The following NCS1 variants were observed in gnomAD, a reference collection of about 807,000 sequenced individuals.
The protein encoded by NCS1 is frequenin homolog.
A neutral mutation model predicts 28.4 loss-of-function variants in NCS1; 6 were observed. The ratio of observed to expected loss-of-function variants is 0.21; its 90% CI spans 0.12 to 0.42. The LOEUF (loss-of-function observed/expected upper bound fraction) is 0.42. NCS1 is among the 10% of genes least tolerant of loss of function. The pLI, the probability that NCS1 is intolerant of heterozygous loss-of-function variation, is 1.00. For missense variants in NCS1, 131 were observed against 241.4 expected (o/e 0.54, Z 3.03); for synonymous variants, 86 against 99.3 (o/e 0.87, Z 0.79).
chr9:130,211,394 G>A (rs1833110094), intron 2 of NCS1, among the ~76,000 whole-genome samples: 1 of 151,504 alleles, frequency 6.6e-6, no homozygotes, highest in African/African-American at 2.4e-5. Context: ...ACCATGCTGA[G>A]CACCTTGAGT....
At chr9:130,204,622 C>T (rs1385251750) in intron 2 of NCS1, among the ~76,000 whole-genome samples, 1 of 152,204 alleles carries the variant, frequency 6.6e-6, no homozygotes, top group Admixed American at 6.5e-5. Context: ...CACTTCCTGG[C>T]TGAGTGACCT....
chr9:130,186,159 A>G lies in NCS1; in HGVS notation c.64+13432A>G, dbSNP rs1588110349. On this transcript the variant is annotated intron_variant, in intron 1 of 7. Coordinates refer to ENST00000372398, the MANE Select transcript of NCS1 (RefSeq NM_014286.4). This position sits in a 1 kb window ranked among gnomAD's most constrained non-coding sequence, Gnocchi z 4.1. ...TCCTTGATTTAGAGAATGTTTATGG[A>G]ACAGCTGCCTCGTGTTAGGCCCTGC... Among the ~76,000 whole-genome samples, 2 of 152,334 alleles carry G rather than the reference A, an allele frequency of 1.3e-5. 1 individual carries two copies. The highest frequency in any genetic ancestry group is 4.1e-4 in the South Asian group (2 of 4,820).
rs149550582 is a variant in NCS1, at chr9:130,227,071, C to T, written c.*17+567C>T. ...AAAAAAAAAAAAAGAAAAGAATTGT[C>T]CTGGGTGGAAGACACTTTGAAAATT... On this transcript the variant is annotated intron_variant, in intron 7 of 7. Coordinates refer to ENST00000372398, the MANE Select transcript of NCS1 (RefSeq NM_014286.4). Among the ~76,000 whole-genome samples, 7 of 151,072 alleles carry T rather than the reference C, an allele frequency of 4.6e-5. No individual in the cohort carries two copies. In the East Asian group the frequency reaches 1.4e-3, roughly 29 times the overall value.
At chr9:130,193,923 C>G (rs1832846847) in intron 1 of NCS1, 1 of 152,664 alleles carries the variant, frequency 6.6e-6, no homozygotes, top group Non-Finnish European at 1.5e-5. Context: ...TTGTGCTGCT[C>G]AAACCCAAAG....
rs1246840156 is a variant in NCS1 at position 130,235,579 on chromosome 9, G to T, written c.*2607G>T. The T allele has an allele frequency of 2.0e-5, 3 of 152,380 alleles. No homozygotes were observed. In the East Asian group the frequency reaches 5.8e-4, roughly 29 times the overall value. 9.4% of individuals were successfully genotyped at this position (152,380 alleles called of 1,614,324 possible). On this transcript the variant is annotated 3_prime_UTR_variant, in exon 8 of 8. Coordinates refer to ENST00000372398, the MANE Select transcript of NCS1 (RefSeq NM_014286.4). ...TCTGGCCTTAGCAGATGGTATGCTTGCGGACCGCAGCCCAGCATGCCGGTG... is the reference window on the plus strand; with the variant it reads ...TCTGGCCTTAGCAGATGGTATGCTTTCGGACCGCAGCCCAGCATGCCGGTG...
Position 130,236,497 on chromosome 9 carries a change from A to G in NCS1, c.*3525A>G, listed in dbSNP as rs1833596820. 1 of 150,248 alleles carries G rather than the reference A, an allele frequency of 6.7e-6. No homozygotes were observed. Among genetic ancestry groups the G allele is most frequent in the Admixed American group, 6.6e-5 (1 of 15,102 alleles). The allele number at this position is 150,248 out of a possible 1,614,324, so 9.3% of individuals were successfully genotyped here. A position where few individuals can be genotyped will look rare whatever the true frequency, so the allele number is the denominator to read the frequency against. ...CACCCCTCTGCTAGGCCATCCCTGG[A>G]TAGCAAGTGAATTAACTTAAGGGCA... is the stretch of plus-strand genomic sequence containing the variant. On this transcript the variant is annotated 3_prime_UTR_variant, in exon 8 of 8. Transcript: ENST00000372398.
intron 4 of NCS1, among the ~76,000 whole-genome samples, chr9:130,221,451 G>A (rs546137217): frequency 5.7e-4 from 79 of 138,066 alleles, no homozygotes; most frequent in African/African-American, 2.1e-3. Context: ...GAGAGAGAGA[G>A]AAAGAGAGAG....
At chr9:130,224,807 T>C (rs1833389261) in intron 6 of NCS1, among the ~76,000 whole-genome samples, 1 of 152,218 alleles carries the variant, frequency 6.6e-6, no homozygotes, top group Non-Finnish European at 1.5e-5. Flanking sequence ...AATCCTTCTT[T>C]AAATCAAACT....
intron 2 of NCS1, among the ~76,000 whole-genome samples, chr9:130,202,134 A>G (rs782312336): frequency 6.6e-6 from 1 of 151,858 alleles, no homozygotes; most frequent in Non-Finnish European, 1.5e-5. Flanking sequence ...TGAAGTCCTC[A>G]CCCTTGACAT....
At chr9:130,187,848 T>G (rs1270861251) in intron 1 of NCS1, among the ~76,000 whole-genome samples, 1 of 152,354 alleles carries the variant, frequency 6.6e-6, no homozygotes, top group East Asian at 1.9e-4. Context: ...ACCGTGTGGC[T>G]TCTGTGAACA....
intron 4 of NCS1, among the ~76,000 whole-genome samples, chr9:130,221,403 TATATATATATA>T (rs1833293868): frequency 2.4e-5 from 1 of 42,302 alleles, no homozygotes; most frequent in African/African-American, 8.9e-5. Flanking sequence ...TATATATATA[TATATATATATA>T]GAGAGAGAGA....
rs983404884 is a variant in NCS1 at position 130,192,265 on chromosome 9, G to A, written c.65-8693G>A. Among the ~76,000 whole-genome samples, 55 of 152,146 alleles carry A rather than the reference G, an allele frequency of 3.6e-4. No homozygotes were observed. The highest frequency in any genetic ancestry group is 7.1e-4 in the Non-Finnish European group (48 of 68,012). On this transcript the variant is annotated intron_variant, in intron 1 of 7. Transcript: ENST00000372398. The surrounding 1 kb of genome is among the most constrained non-coding windows in gnomAD (Gnocchi z 4.8). The stretch of plus-strand genomic sequence containing the variant: ...AGGCAGCTCCTGCGTCTGCTGTCAC[G>A]TTACTCTGAGCTTGGAGGCAGTGCC...
Position 130,192,743 on chromosome 9 carries a change from G to A in NCS1, c.65-8215G>A, listed in dbSNP as rs1336431677. ...CCCCCAGGAGCCGGTGCTGCAGTGA[G>A]TGGGGGGAGTGATCTGAGGCCTTGT... On this transcript the variant is annotated intron_variant, in intron 1 of 7. Transcript: ENST00000372398. This position sits in a 1 kb window ranked among gnomAD's most constrained non-coding sequence, Gnocchi z 4.8. Among the ~76,000 whole-genome samples, 1 of 152,188 alleles carries A rather than the reference G, an allele frequency of 6.6e-6. No individual in the cohort carries two copies. The highest frequency in any genetic ancestry group is 2.4e-5 in the African/African-American group (1 of 41,446).
chr9:130,218,272 C>G (rs562470879), intron 3 of NCS1, among the ~76,000 whole-genome samples: 1 of 152,226 alleles, frequency 6.6e-6, no homozygotes, highest in African/African-American at 2.4e-5. Flanking sequence ...CACATGCAGG[C>G]GAATACCATG....
intron 1 of NCS1, among the ~76,000 whole-genome samples, chr9:130,183,840 C>T (rs1233331829): frequency 1.1e-4 from 17 of 148,666 alleles, no homozygotes; most frequent in South Asian, 4.3e-4. Flanking sequence ...GACAGAGTCT[C>T]GCTCTGTCGC....
intron 6 of NCS1, 81 bp downstream of exon 6, chr9:130,223,240 C>G: frequency 1.1e-5 from 15 of 1,369,738 alleles, no homozygotes; most frequent in Non-Finnish European, 1.4e-5. Context: ...GGATCCTGGG[C>G]CTGGCTTTGC....
At position 130,234,568 on chromosome 9, in the gene NCS1, A is replaced by T. The variant is rs1054808198; in HGVS notation, c.*1596A>T. 3 of 152,284 alleles carry T rather than the reference A, an allele frequency of 2.0e-5. No individual in the cohort carries two copies. The highest frequency in any genetic ancestry group is 1.3e-4 in the Admixed American group (2 of 15,266). The allele number at this position is 152,284 out of a possible 1,614,324, so 9.4% of individuals were successfully genotyped here. On this transcript the variant is annotated 3_prime_UTR_variant, in exon 8 of 8. Transcript: ENST00000372398. This position sits in a 1 kb window ranked among gnomAD's most constrained non-coding sequence, Gnocchi z 6.1. ...GTCTTGAAGGCCCTTTTCCATGCCG[A>T]CATCATGTCACTCTAGGCCTGGGGT...
chr9:130,209,908 C>T lies in NCS1; in HGVS notation c.90-7924C>T, dbSNP rs1168678835. 2.0e-5 allele frequency among the ~76,000 whole-genome samples: 3 copies of T among 152,040 alleles called. No individual in the cohort carries two copies. The highest frequency in any genetic ancestry group is 1.9e-4 in the East Asian group (1 of 5,182). On this transcript the variant is annotated intron_variant, in intron 2 of 7. Coordinates refer to ENST00000372398, the MANE Select transcript of NCS1 (RefSeq NM_014286.4). This position sits in a 1 kb window ranked among gnomAD's most constrained non-coding sequence, Gnocchi z 4.4. The stretch of plus-strand genomic sequence containing the variant: ...CCCCGTTCTTCACAGCCTGGGCCTG[C>T]CTCTGAGGTCTGGCACCATGGCTCT...
chr9:130,208,064 T>C (rs1443178221), intron 2 of NCS1, among the ~76,000 whole-genome samples: 1 of 152,016 alleles, frequency 6.6e-6, no homozygotes, highest in Non-Finnish European at 1.5e-5. Flanking sequence ...TAAAGGTGAC[T>C]GTGAGCTCTG....
Sources: allele counts gnomAD v4.1 joint callset (sites outside exome capture counted in the v4.1 genomes callset), GRCh38; gene constraint gnomAD v4.1.1; non-coding constraint Gnocchi (gnomAD v3.1); transcripts MANE v1.5; gene names NCBI Gene and HGNC (gene_info 2026-07-23, HGNC 2026-07-21).